PRRC2A: variants seen among roughly 807,000 people sequenced by gnomAD.
The protein encoded by PRRC2A is proline rich coiled-coil 2A, also known as protein PRRC2A.
A neutral mutation model predicts 224.6 loss-of-function variants in PRRC2A; 59 were observed. The observed-to-expected ratio is 0.26, with a 90% CI of 0.21 to 0.33. The LOEUF is 0.33. Ranked by LOEUF, PRRC2A falls within the 10% of genes least tolerant of loss-of-function variation. The probability of loss-of-function intolerance (pLI) is 1.00; values close to 1 mark genes in which losing one functional copy is unlikely to be tolerated. For missense variants in PRRC2A, 3,095 were observed against 2,880.7 expected (o/e 1.07, Z -1.70); for synonymous variants, 1,194 against 1,109.5 (o/e 1.08, Z -1.51).
chr6:31,626,030 C>A lies in PRRC2A; in HGVS notation c.850C>A (p.Arg284Ser), dbSNP rs368679462. Reference sequence around the variant, plus strand: ...CTTTTTTGTGTACAGCCGTTTTCCCCGTGTGGCGGGCCCCCGAGGCTCAGG... The same window carrying A: ...CTTTTTTGTGTACAGCCGTTTTCCCAGTGTGGCGGGCCCCCGAGGCTCAGG... ...PTPDGPSRFP[R>S]VAGPRGSGPP... Residue 284 changes from arginine to serine, a missense_variant, in exon 9 of 31, where the codon CGT (arginine) becomes AGT (serine). Arg to Ser is a moderately radical substitution (Grantham distance 110). Around this residue, in one of 8 missense-constraint regions of PRRC2A, gnomAD observed 287 missense variants for 275.3 expected, o/e 1.04. Coordinates refer to ENST00000376033, the MANE Select transcript of PRRC2A (RefSeq NM_004638.4). 6.2e-7 allele frequency: 1 copy of A among 1,611,802 alleles called. No individual in the cohort carries two copies. The highest frequency in any genetic ancestry group is 8.5e-7 in the Non-Finnish European group (1 of 1,179,654).
In PRRC2A at chr6:31,631,188, C is replaced by T. The variant is rs148178786; in HGVS notation, c.2515C>T (p.Pro839Ser). 9.5e-6 allele frequency: 15 copies of T among 1,584,338 alleles called. No homozygotes were observed. Among genetic ancestry groups the T allele is most frequent in the Non-Finnish European group, 1.0e-5 (12 of 1,166,234 alleles). The change falls in exon 16 of 31, where the codon CCA (proline) becomes TCA (serine). Residue 839 changes from proline to serine, a missense_variant. Physicochemically the swap from Pro to Ser is moderately conservative, Grantham distance 74 (BLOSUM62 -1). Transcript: ENST00000376033. The surrounding 1 kb of genome is among the most constrained non-coding windows in gnomAD (Gnocchi z 4.5). Reference protein sequence around the residue: ...PPPPPYLASYPGFPENGAPGP... With the variant: ...PPPPPYLASYSGFPENGAPGP... Reference sequence around the variant, plus strand: ...CCCACCACCCTATCTGGCCAGTTATCCAGGCTTTCCTGAGAATGGAGCCCC... The same window carrying T: ...CCCACCACCCTATCTGGCCAGTTATTCAGGCTTTCCTGAGAATGGAGCCCC...
chr6:31,628,332 A>C, intron 12 of PRRC2A, 93 bp downstream of exon 12: 2 of 1,465,772 alleles, frequency 1.4e-6, no homozygotes, highest in Non-Finnish European at 1.8e-6. Context: ...TAAATGAAGT[A>C]GAAGGCAGTT....
chr6:31,628,256 A>T lies in PRRC2A; in HGVS notation c.1765+17A>T. On this transcript the variant is annotated intron_variant, in intron 12 of 30. Transcript: ENST00000376033. ...CCAGCCCAGGTATGGAGATGGGGAT[A>T]GGTACTACCAGATGTCAGATCACTG... is the stretch of plus-strand genomic sequence containing the variant. 6.3e-7 allele frequency: 1 copy of T among 1,594,644 alleles called. No individual in the cohort carries two copies. The highest frequency in any genetic ancestry group is 1.3e-5 in the African/African-American group (1 of 74,756).
rs748797789 is a variant in PRRC2A at position 31,628,056 on chromosome 6, C to T, written c.1582C>T (p.Leu528Phe). ...TCCACCACCTGCAGTCCCTAAAGAA[C>T]TCCCTGCACCTCCAGCTCCACCTCC... ...PAPPPAVPKE[L>F]PAPPAPPPAS... is the part of the protein sequence containing the mutation. The change falls in exon 12 of 31, where the codon CTC becomes TTC. Residue 528 changes from leucine to phenylalanine, a missense_variant. This residue lies in a region of PRRC2A where 2,001 missense variants were observed against 1,764.9 expected (regional missense o/e 1.13). Coordinates refer to ENST00000376033, the MANE Select transcript of PRRC2A (RefSeq NM_004638.4). 8 of 1,612,716 alleles carry T rather than the reference C, an allele frequency of 5.0e-6. No homozygotes were observed.
In PRRC2A at chr6:31,634,474, A is replaced by G; in HGVS notation, c.4852A>G (p.Thr1618Ala). 1 of 1,612,954 alleles carries G rather than the reference A, an allele frequency of 6.2e-7. No homozygotes were observed. The highest frequency in any genetic ancestry group is 8.5e-7 in the Non-Finnish European group (1 of 1,179,960). The change falls in exon 20 of 31, where the codon ACT becomes GCT. Residue 1618 changes from threonine (T) to alanine (A), a missense_variant and splice_region_variant. Around this residue, in one of 8 missense-constraint regions of PRRC2A, gnomAD observed 2,001 missense variants for 1,764.9 expected, o/e 1.13. Coordinates refer to ENST00000376033, the MANE Select transcript of PRRC2A (RefSeq NM_004638.4). ...CTGGTTGGTGCTCCCTTCTCCAGCC[A>G]CTAGCCGAAAGAGTTACCGGCCCAG... Reference protein sequence around the residue: ...PHIWNRLHTATSRKSYRPSSM... With the variant: ...PHIWNRLHTAASRKSYRPSSM...
chr6:31,630,972 C>T (rs1776486397), intron 15 of PRRC2A, among the ~76,000 whole-genome samples, 167 bp from the exon 16 acceptor site: 1 of 152,144 alleles, frequency 6.6e-6, no homozygotes, highest in Non-Finnish European at 1.5e-5. Context: ...AAGAAGATTG[C>T]TTGAGCCCAG....
intron 17 of PRRC2A, 85 bp from the exon 18 acceptor site, chr6:31,633,774 A>G (rs1055720970): frequency 2.6e-6 from 4 of 1,531,236 alleles, no homozygotes; most frequent in Non-Finnish European, 3.5e-6. Context: ...GAGCAAGGGT[A>G]GAAGAATTGG....
chr6:31,635,012 C>T, intron 21 of PRRC2A, 35 bp downstream of exon 21: 1 of 1,604,492 alleles, frequency 6.2e-7, no homozygotes, highest in African/African-American at 1.3e-5. Flanking sequence ...GGAATGTTTC[C>T]AGGAATCTGA....
In PRRC2A at chr6:31,624,287, C is replaced by A. The variant is rs2280801; in HGVS notation, c.317C>A (p.Pro106Gln). ...TCCGATGCCTCAACCGCTCAGCCGCCGGAATCGCAGCCACTGCCGGCTTCA... is the reference window on the plus strand; with the variant it reads ...TCCGATGCCTCAACCGCTCAGCCGCAGGAATCGCAGCCACTGCCGGCTTCA... Reference protein sequence around the residue: ...KSSDASTAQPPESQPLPASQT... With the variant: ...KSSDASTAQPQESQPLPASQT... Residue 106 changes from proline (P) to glutamine (Q), a missense_variant, in exon 4 of 31, where the codon CCG (proline) becomes CAG (glutamine). Physicochemically the swap from Pro to Gln is moderately conservative, Grantham distance 76. Around this residue, in one of 8 missense-constraint regions of PRRC2A, gnomAD observed 52 missense variants for 77.9 expected, o/e 0.67. Transcript: ENST00000376033. 1.9e-6 allele frequency: 3 copies of A among 1,613,816 alleles called. No homozygotes were observed. The South Asian group carries it at 3.3e-5, about 18-fold the overall frequency.
chr6:31,630,469 G>A (rs559250968), intron 14 of PRRC2A, 122 bp from the exon 15 acceptor site: 2 of 917,292 alleles, frequency 2.2e-6, no homozygotes, highest in South Asian at 3.2e-5. Flanking sequence ...GAGCAGGCAA[G>A]GCCCGGACCT....
rs932556838 is a variant in PRRC2A, at chr6:31,628,232, C to T, written c.1758C>T (p.Ala586=). 6.2e-7 allele frequency: 1 copy of T among 1,609,778 alleles called. No individual in the cohort carries two copies. Among genetic ancestry groups the T allele is most frequent in the Non-Finnish European group, 8.5e-7 (1 of 1,179,274 alleles). ...GCACCAGCAGTGGCAGCTTCGAAGC[C>T]AGCCCAGGTATGGAGATGGGGATAG... ...TSSTSSGSFE[A]SPVEPQLPSK... is the part of the protein sequence containing the mutation. Residue 586 remains alanine, a synonymous_variant, in exon 12 of 31, where the codon GCC becomes GCT. Transcript: ENST00000376033.
intron 20 of PRRC2A, 90 bp downstream of exon 20, chr6:31,634,647 TTC>T (rs1777100495): frequency 6.4e-7 from 1 of 1,573,714 alleles, no homozygotes; most frequent in Non-Finnish European, 8.7e-7. Context: ...TCTGGAGCTG[TTC>T]TCTCACTTGG....
chr6:31,623,665 C>G (rs1775569056), intron 2 of PRRC2A, 67 bp from the exon 3 acceptor site: 1 of 1,529,044 alleles, frequency 6.5e-7, no homozygotes, highest in African/African-American at 1.4e-5. Context: ...AAATGTGTCC[C>G]AGGATAGGAG....
rs748156641 is a variant in PRRC2A, at chr6:31,627,058, G to A, written c.1150G>A (p.Glu384Lys). 15 of 1,614,040 alleles carry A rather than the reference G, an allele frequency of 9.3e-6. No individual in the cohort carries two copies. The African/African-American group carries it at 1.2e-4, about 13-fold the overall frequency. The part of the protein sequence containing the change: ...DGKKGNSPNS[E>K]PPTPKTAWAE... ...CAAAAAGGGCAACTCCCCCAACAGC[G>A]AACCGCCCACTCCTAAGACGGCCTG... is the stretch of plus-strand genomic sequence containing the variant. The change falls in exon 11 of 31, where the codon GAA becomes AAA. Residue 384 changes from glutamate (E) to lysine (K), a missense_variant. Physicochemically the swap from Glu to Lys is moderately conservative, Grantham distance 56. This residue lies in a region of PRRC2A where 2,001 missense variants were observed against 1,764.9 expected (regional missense o/e 1.13). Transcript: ENST00000376033. The surrounding 1 kb of genome is among the most constrained non-coding windows in gnomAD (Gnocchi z 5.6).
chr6:31,625,037 A>T lies in PRRC2A; in HGVS notation c.464-134A>T. 1 of 995,206 alleles carries T rather than the reference A, an allele frequency of 1.0e-6. No homozygotes were observed. The highest frequency in any genetic ancestry group is 1.5e-6 in the Non-Finnish European group (1 of 666,940). The allele number at this position is 995,206 out of a possible 1,614,324, so 61.6% of individuals were successfully genotyped here. A position where few individuals can be genotyped will look rare whatever the true frequency, so the allele number is the denominator to read the frequency against. On this transcript the variant is annotated intron_variant, in intron 5 of 30. Coordinates refer to ENST00000376033, the MANE Select transcript of PRRC2A (RefSeq NM_004638.4). This position sits in a 1 kb window ranked among gnomAD's most constrained non-coding sequence, Gnocchi z 4.1. ...ATGGTCTCGATCTCTTGACCTCGTG[A>T]TCCGCCCGCCTCAGCCTCCCAGAGT... is the stretch of plus-strand genomic sequence containing the variant.
chr6:31,626,613 T>C lies in PRRC2A; in HGVS notation c.983-159T>C, dbSNP rs957317023. 2.7e-5 allele frequency among the ~76,000 whole-genome samples: 4 copies of C among 149,904 alleles called. No homozygotes were observed. In the South Asian group the frequency reaches 8.5e-4, roughly 32 times the overall value. ...TGGGGAATACCAAGTCCTTGCAAAG[T>C]GGTGAGAGGAGTAAGAATGACAAGA... On this transcript the variant is annotated intron_variant, in intron 9 of 30. Transcript: ENST00000376033.
In PRRC2A at chr6:31,631,405, A is replaced by T. The variant is rs755823139; in HGVS notation, c.2732A>T (p.Gln911Leu). 1.1e-5 allele frequency: 18 copies of T among 1,608,982 alleles called. No homozygotes were observed. The highest frequency in any genetic ancestry group is 1.5e-5 in the Non-Finnish European group (18 of 1,178,584). Residue 911 changes from glutamine to leucine, a missense_variant, in exon 16 of 31, where the codon CAG becomes CTG. By Grantham distance (113) the Gln-to-Leu change is moderately radical. Around this residue, in one of 8 missense-constraint regions of PRRC2A, gnomAD observed 2,001 missense variants for 1,764.9 expected, o/e 1.13. Coordinates refer to ENST00000376033, the MANE Select transcript of PRRC2A (RefSeq NM_004638.4). This position sits in a 1 kb window ranked among gnomAD's most constrained non-coding sequence, Gnocchi z 4.5. ...GCCCGCGGAGTCGGGAGTGGAGGCC[A>T]GGGCCCCCCACCACCACGCAGAGAG... ...KPARGVGSGG[Q>L]GPPPPRRESR...
Position 31,633,627 on chromosome 6 carries a change from T to G in PRRC2A, c.4568T>G (p.Val1523Gly). The G allele has an allele frequency of 6.2e-7, 1 of 1,611,186 alleles. No individual in the cohort carries two copies. Among genetic ancestry groups the G allele is most frequent in the Non-Finnish European group, 8.5e-7 (1 of 1,178,978 alleles). The change falls in exon 17 of 31, where the codon GTC (valine) becomes GGC (glycine). Residue 1523 changes from valine to glycine, a missense_variant. Around this residue, in one of 8 missense-constraint regions of PRRC2A, gnomAD observed 2,001 missense variants for 1,764.9 expected, o/e 1.13. Coordinates refer to ENST00000376033, the MANE Select transcript of PRRC2A (RefSeq NM_004638.4). ...RPPTRYEPQRVNSGLSSDPHF... is the reference protein window; with the variant it reads ...RPPTRYEPQRGNSGLSSDPHF... ...CCAACCCGATACGAGCCCCAGAGGGTCAACAGCGGCCTCAGTTCTGGTAAG... is the reference window on the plus strand; with the variant it reads ...CCAACCCGATACGAGCCCCAGAGGGGCAACAGCGGCCTCAGTTCTGGTAAG...
chr6:31,635,342 G>A (rs778040246), intron 22 of PRRC2A, 52 bp from the exon 23 acceptor site: 3 of 1,613,854 alleles, frequency 1.9e-6, no homozygotes, highest in Non-Finnish European at 2.5e-6. Context: ...GTGGGACATA[G>A]AGGACACATG....
Sources: gnomAD v4.1 joint callset for allele counts (sites outside exome capture counted in the v4.1 genomes callset) on GRCh38, gnomAD v4.1.1 for gene constraint, gnomAD v4.1.1 regional missense constraint, Gnocchi (gnomAD v3.1) non-coding constraint, MANE v1.5 for transcripts, NCBI Gene and HGNC (gene_info 2026-07-23, HGNC 2026-07-21) for gene names.